The following CSF2 variants were observed in gnomAD, a reference collection of about 807,000 sequenced individuals.
CSF2 encodes granulocyte-macrophage colony-stimulating factor.
Under a neutral mutation model 13.5 loss-of-function variants are expected in CSF2, and 2 were observed. The observed-to-expected ratio is 0.15, with a 90% CI of 0.06 to 0.47. The LOEUF is 0.47. Ranked by LOEUF, CSF2 falls within the 20% of genes least tolerant of loss-of-function variation. CSF2 has a pLI of 0.97. For missense variants in CSF2, 141 were observed against 179.7 expected (o/e 0.78, Z 1.23); for synonymous variants, 66 against 69.2 (o/e 0.95, Z 0.23).
chr5:132,074,731 G>C, intron 2 of CSF2, 79 bp from the exon 3 acceptor site: 1 of 1,610,026 alleles, frequency 6.2e-7, no homozygotes, highest in Non-Finnish European at 8.5e-7. Flanking sequence ...GGGGGCAGCA[G>C]CAAAAAGGAG....
At chr5:132,075,616 G>A in intron 3 of CSF2, 129 bp from the exon 4 acceptor site, 1 of 725,182 alleles carries the variant, frequency 1.4e-6, no homozygotes, top group South Asian at 1.6e-5. Flanking sequence ...CAGGTCAGTG[G>A]GTGTGTCCTG....
rs1756701321 is a variant in CSF2 at position 132,076,062 on chromosome 5, A to G, written c.*210A>G. 1 of 212,520 alleles carries G rather than the reference A, an allele frequency of 4.7e-6. No homozygotes were observed. The highest frequency in any genetic ancestry group is 9.0e-6 in the Non-Finnish European group (1 of 110,918). The allele number at this position is 212,520 out of a possible 1,614,324, so 13.2% of individuals were successfully genotyped here. On this transcript the variant is annotated 3_prime_UTR_variant, in exon 4 of 4. Coordinates refer to ENST00000296871, the MANE Select transcript of CSF2 (RefSeq NM_000758.4). ...ACTGACAGAAATCAGTAATATTTAT[A>G]TATTTATATTTTTAAAATATTTATT...
intron 2 of CSF2, among the ~76,000 whole-genome samples, 197 bp from the exon 3 acceptor site, chr5:132,074,613 T>C (rs1431086953): frequency 1.3e-5 from 2 of 152,012 alleles, no homozygotes; most frequent in Non-Finnish European, 2.9e-5. Flanking sequence ...CCGCTGAGGG[T>C]GGCCTGGGCG....
chr5:132,075,697 TA>T (rs1561836506), intron 3 of CSF2, 47 bp from the exon 4 acceptor site: 5 of 1,392,642 alleles, frequency 3.6e-6, no homozygotes, highest in Non-Finnish European at 5.0e-6. Flanking sequence ...TCCCCCACGT[TA>T]CCCACTTGCC....
At chr5:132,075,406 T>C (rs931283095) in intron 3 of CSF2, among the ~76,000 whole-genome samples, 1 of 152,252 alleles carries the variant, frequency 6.6e-6, no homozygotes, top group Non-Finnish European at 1.5e-5. Flanking sequence ...TTTGTGGCCT[T>C]GACTCCACTC....
chr5:132,075,412 C>T (rs1246868772), intron 3 of CSF2, among the ~76,000 whole-genome samples: 1 of 152,254 alleles, frequency 6.6e-6, no homozygotes, highest in Admixed American at 6.5e-5. Context: ...GCCTTGACTC[C>T]ACTCCTTCTG....
intron 3 of CSF2, among the ~76,000 whole-genome samples, chr5:132,075,305 G>T (rs1469324105): frequency 6.6e-6 from 1 of 152,244 alleles, no homozygotes; most frequent in Non-Finnish European, 1.5e-5. Context: ...GGCCCCACAT[G>T]GGGTGCTTGA....
At chr5:132,074,741 G>A in intron 2 of CSF2, 69 bp from the exon 3 acceptor site, 3 of 1,612,886 alleles carry the variant, frequency 1.9e-6, no homozygotes, top group Non-Finnish European at 2.5e-6. Context: ...GCAAAAAGGA[G>A]TGGTGGAGAG....
chr5:132,074,981 G>T, intron 3 of CSF2, 46 bp downstream of exon 3: 1 of 1,612,130 alleles, frequency 6.2e-7, no homozygotes, highest in Non-Finnish European at 8.5e-7. Context: ...CTTAATCTAG[G>T]GGGTGGGGTC....
At position 132,074,832 on chromosome 5, in the gene CSF2, G is replaced by A. The variant is rs1161863330; in HGVS notation, c.224G>A (p.Arg75His). Residue 75 changes from arginine (R) to histidine (H), a missense_variant, in exon 3 of 4, where the codon CGC (arginine) becomes CAC (histidine). Transcript: ENST00000296871. ...CAGGAGCCGACCTGCCTACAGACCC[G>A]CCTGGAGCTGTACAAGCAGGGCCTG... is the stretch of plus-strand genomic sequence containing the variant. ...DLQEPTCLQT[R>H]LELYKQGLRG... 1.9e-6 allele frequency: 3 copies of A among 1,613,704 alleles called. No individual in the cohort carries two copies. The highest frequency in any genetic ancestry group is 1.7e-6 in the Non-Finnish European group (2 of 1,180,034).
intron 3 of CSF2, among the ~76,000 whole-genome samples, chr5:132,075,182 A>C: frequency 6.6e-6 from 1 of 152,200 alleles, no homozygotes. Flanking sequence ...CATTATTGTC[A>C]TTATGGTTAA....
rs553163308 is a variant in CSF2 at position 132,075,054 on chromosome 5, T to C, written c.327+119T>C. On this transcript the variant is annotated intron_variant, in intron 3 of 3. Coordinates refer to ENST00000296871, the MANE Select transcript of CSF2 (RefSeq NM_000758.4). ...CCCCAGGGGGTTTCTGTGCCAACAG[T>C]TATGTAATGATTAGCCCTCCAGAGA... The C allele has an allele frequency of 2.1e-5, 31 of 1,477,586 alleles. No individual in the cohort carries two copies. The East Asian group carries it at 2.3e-4, about 11-fold the overall frequency. 91.5% of individuals were successfully genotyped at this position (1,477,586 alleles called of 1,614,324 possible). A position where few individuals can be genotyped will look rare whatever the true frequency, so the allele number is the denominator to read the frequency against.
chr5:132,074,769 G>T, intron 2 of CSF2, 41 bp from the exon 3 acceptor site: 1 of 1,613,702 alleles, frequency 6.2e-7, no homozygotes, highest in Non-Finnish European at 8.5e-7. Context: ...ACCACTGTGG[G>T]CACTTGGCCA....
chr5:132,073,885 G>C lies in CSF2; in HGVS notation c.62G>C (p.Arg21Pro), dbSNP rs758409716. Residue 21 changes from arginine (R) to proline (P), a missense_variant, in exon 1 of 4, where the codon CGC (arginine) becomes CCC (proline). By Grantham distance (103) the Arg-to-Pro change is moderately radical. Coordinates refer to ENST00000296871, the MANE Select transcript of CSF2 (RefSeq NM_000758.4). ...GCCTGCAGCATCTCTGCACCCGCCC[G>C]CTCGCCCAGCCCCAGCACGCAGCCC... is the stretch of plus-strand genomic sequence containing the variant. ...TVACSISAPA[R>P]SPSPSTQPWE... 1 of 1,613,076 alleles carries C rather than the reference G, an allele frequency of 6.2e-7. No homozygotes were observed. Among genetic ancestry groups the C allele is most frequent in the Non-Finnish European group, 8.5e-7 (1 of 1,180,026 alleles).
Position 132,073,809 on chromosome 5 carries a change from A to G in CSF2, c.-15A>G, listed in dbSNP as rs372448237. 463 of 1,611,708 alleles carry G rather than the reference A, an allele frequency of 2.9e-4. No individual in the cohort carries two copies. The highest frequency in any genetic ancestry group is 3.7e-4 in the Non-Finnish European group (434 of 1,180,000). On this transcript the variant is annotated 5_prime_UTR_variant, in exon 1 of 4. Transcript: ENST00000296871. ...AGCCCAGTACACAGAGAGAAAGGCT[A>G]AAGTTCTCTGGAGGATGTGGCTGCA...
intron 3 of CSF2, 102 bp downstream of exon 3, chr5:132,075,037 G>T (rs536784816): frequency 2.8e-5 from 43 of 1,561,254 alleles, no homozygotes; most frequent in Middle Eastern, 2.3e-4. Flanking sequence ...GACCCCAGGG[G>T]GTTTCTGTGC....
chr5:132,075,703 C>A (rs1028953004), intron 3 of CSF2, 42 bp from the exon 4 acceptor site: 2 of 1,478,166 alleles, frequency 1.4e-6, no homozygotes, highest in Non-Finnish European at 1.9e-6. Context: ...ACGTTACCCA[C>A]TTGCCTGGAC....
rs923174222 is a variant in CSF2 at position 132,075,888 on chromosome 5, G to T, written c.*36G>T. 2.0e-6 allele frequency: 3 copies of T among 1,470,800 alleles called. No homozygotes were observed. The highest frequency in any genetic ancestry group is 2.8e-6 in the Non-Finnish European group (3 of 1,059,096). 91.1% of individuals were successfully genotyped at this position (1,470,800 alleles called of 1,614,324 possible). A position where few individuals can be genotyped will look rare whatever the true frequency, so the allele number is the denominator to read the frequency against. ...ATGAGGCTGGCCAAGCCGGGGAGCT[G>T]CTCTCTCATGAAACAAGAGCTAGAA... is the stretch of plus-strand genomic sequence containing the variant. On this transcript the variant is annotated 3_prime_UTR_variant, in exon 4 of 4. Transcript: ENST00000296871.
At chr5:132,074,503 C>G (rs1207448989) in intron 2 of CSF2, among the ~76,000 whole-genome samples, 3 of 152,164 alleles carry the variant, frequency 2.0e-5, no homozygotes, top group Non-Finnish European at 4.4e-5. Context: ...AGGAACAACC[C>G]TTGCCCACCC....
Sources: gnomAD v4.1 joint callset for allele counts (sites outside exome capture counted in the v4.1 genomes callset) on GRCh38, gnomAD v4.1.1 for gene constraint, MANE v1.5 for transcripts, NCBI Gene and HGNC (gene_info 2026-07-23, HGNC 2026-07-21) for gene names.